The following OPCML variants were observed in gnomAD, a reference collection of about 807,000 sequenced individuals.
OPCML encodes opioid-binding protein/cell adhesion molecule.
Under a neutral mutation model 37.8 loss-of-function variants are expected in OPCML, and 13 were observed. The observed-to-expected ratio is 0.34, with a 90% confidence interval of 0.22 to 0.55. The LOEUF is 0.55. Ranked by LOEUF, OPCML falls within the 20% of genes least tolerant of loss-of-function variation. The pLI is 0.91. For synonymous variants in OPCML, 176 were observed against 168.8 expected (o/e 1.04, Z -0.33); for missense variants, 341 against 435.6 (o/e 0.78, Z 1.93).
intron 4 of OPCML, among the ~76,000 whole-genome samples, chr11:132,485,731 G>A (rs7115899): frequency 0.47 from 71,034 of 152,032 alleles, 17,294 homozygotes; most frequent in Non-Finnish European, 0.54. Flanking sequence ...ATAAAACTGC[G>A]TATTTTCTTT....
At chr11:133,257,392 A>G (rs553538451) in intron 1 of OPCML, among the ~76,000 whole-genome samples, 44 of 152,342 alleles carry the variant, frequency 2.9e-4, no homozygotes, top group African/African-American at 7.7e-4. Context: ...GTGATTTGAA[A>G]CAAAGTCATA....
At chr11:133,230,370 C>T (rs943487866) in intron 1 of OPCML, among the ~76,000 whole-genome samples, 2 of 151,644 alleles carry the variant, frequency 1.3e-5, no homozygotes, top group African/African-American at 4.9e-5. Context: ...CACCCTCCCA[C>T]TCCTATGGTC....
chr11:133,346,362 G>A (rs1006476492), intron 1 of OPCML, among the ~76,000 whole-genome samples: 2 of 152,198 alleles, frequency 1.3e-5, no homozygotes, highest in African/African-American at 4.8e-5. Context: ...ATAAGCTTCA[G>A]CATGTGAGAG....
At chr11:132,542,398 C>A (rs907544683) in intron 3 of OPCML, among the ~76,000 whole-genome samples, 1 of 152,144 alleles carries the variant, frequency 6.6e-6, no homozygotes, top group African/African-American at 2.4e-5. Context: ...CATCCTAAAT[C>A]TTTGAGGGGA....
intron 1 of OPCML, among the ~76,000 whole-genome samples, chr11:133,377,590 C>G (rs1385042151): frequency 1.8e-5 from 2 of 110,290 alleles, no homozygotes; most frequent in Non-Finnish European, 3.5e-5. Context: ...TCGTTATGCT[C>G]TCTCTGACGT....
At chr11:133,230,880 C>G (rs1196411667) in intron 1 of OPCML, among the ~76,000 whole-genome samples, 1 of 152,148 alleles carries the variant, frequency 6.6e-6, no homozygotes, top group Non-Finnish European at 1.5e-5. Context: ...TGTGGACAAT[C>G]TGAGTGAAGA....
chr11:132,476,821 C>A (rs1194116729), intron 4 of OPCML, among the ~76,000 whole-genome samples: 1 of 150,542 alleles, frequency 6.6e-6, no homozygotes, highest in Non-Finnish European at 1.5e-5. Flanking sequence ...GCACATGTAC[C>A]CTAAAATTTA....
At chr11:132,775,874 A>G (rs1345156279) in intron 2 of OPCML, among the ~76,000 whole-genome samples, 1 of 152,218 alleles carries the variant, frequency 6.6e-6, no homozygotes, top group East Asian at 1.9e-4. Context: ...TTAGATATAT[A>G]AGTTAAAGTA....
At chr11:132,522,353 G>A (rs559227730) in intron 4 of OPCML, among the ~76,000 whole-genome samples, 1 of 152,280 alleles carries the variant, frequency 6.6e-6, no homozygotes, top group African/African-American at 2.4e-5. Context: ...AAGACAAGAG[G>A]TAATAAAATA....
Position 132,435,315 on chromosome 11 carries a change from G to A in OPCML, c.916+771C>T, listed in dbSNP as rs376475736. The stretch of plus-strand genomic sequence containing the variant: ...CTGAAAGCTTGTGTCTGAGGTGCAC[G>A]TGGAAACGTGGATACCTCTCTTCAT... On this transcript the variant is annotated intron_variant, in intron 7 of 7. Coordinates refer to ENST00000524381, the MANE Select transcript of OPCML (RefSeq NM_001012393.5). 1,562 of 1,131,784 alleles carry A rather than the reference G, an allele frequency of 1.4e-3. 32 individuals carry two copies. The South Asian group carries it at 0.02, about 14-fold the overall frequency. The allele number at this position is 1,131,784 out of a possible 1,614,324, so 70.1% of individuals were successfully genotyped here. A position where few individuals can be genotyped will look rare whatever the true frequency, so the allele number is the denominator to read the frequency against.
chr11:132,855,978 C>T (rs1406015091), intron 2 of OPCML, among the ~76,000 whole-genome samples: 1 of 152,192 alleles, frequency 6.6e-6, no homozygotes, highest in African/African-American at 2.4e-5. Flanking sequence ...GATAATGTTA[C>T]AGTTCAGCTA....
At chr11:133,165,728 C>T (rs920273504) in intron 1 of OPCML, among the ~76,000 whole-genome samples, 2 of 152,100 alleles carry the variant, frequency 1.3e-5, no homozygotes, top group Admixed American at 6.5e-5. Flanking sequence ...CCAAGCTGTG[C>T]GCTGGCAGGC....
At chr11:132,508,585 G>A (rs1940413) in intron 4 of OPCML, among the ~76,000 whole-genome samples, 30,384 of 151,978 alleles carry the variant, frequency 0.2, 3,118 homozygotes, top group Non-Finnish European at 0.22. Context: ...TGTTGTGGGA[G>A]GGACCCAGGG....
intron 4 of OPCML, among the ~76,000 whole-genome samples, chr11:132,508,595 G>T (rs144342410): frequency 6.6e-6 from 1 of 152,136 alleles, no homozygotes; most frequent in Non-Finnish European, 1.5e-5. Flanking sequence ...GGGACCCAGG[G>T]GGAGGTAATT....
intron 2 of OPCML, among the ~76,000 whole-genome samples, chr11:132,875,132 T>A (rs1005821165): frequency 2.0e-5 from 3 of 152,206 alleles, no homozygotes; most frequent in Non-Finnish European, 4.4e-5. Context: ...AACCATTTTT[T>A]AAAAAATGAA....
intron 2 of OPCML, among the ~76,000 whole-genome samples, chr11:132,806,853 G>C (rs1351932294): frequency 2.6e-5 from 4 of 151,844 alleles, no homozygotes; most frequent in Admixed American, 2.6e-4. Flanking sequence ...CATTATCCTT[G>C]GCCTTAGAAC....
At chr11:133,116,754 T>G (rs1193980082) in intron 1 of OPCML, among the ~76,000 whole-genome samples, 1 of 151,052 alleles carries the variant, frequency 6.6e-6, no homozygotes, top group African/African-American at 2.4e-5. Context: ...TACTATTCAT[T>G]TTTTCTTTGT....
At chr11:132,451,863 C>T (rs1309930551) in intron 4 of OPCML, among the ~76,000 whole-genome samples, 4 of 152,274 alleles carry the variant, frequency 2.6e-5, no homozygotes, top group South Asian at 4.2e-4. Context: ...CTGTTATCAA[C>T]GCAGTAACTT....
At chr11:133,127,227 AG>A (rs997124735) in intron 1 of OPCML, among the ~76,000 whole-genome samples, 1 of 152,166 alleles carries the variant, frequency 6.6e-6, no homozygotes, top group Admixed American at 6.5e-5. Context: ...ATTATTCTAA[AG>A]TTTCAAGAGC....
Sources: allele counts gnomAD v4.1 joint callset (sites outside exome capture counted in the v4.1 genomes callset), GRCh38; gene constraint gnomAD v4.1.1; transcripts MANE v1.5; gene names NCBI Gene and HGNC (gene_info 2026-07-23, HGNC 2026-07-21).